The following PPARGC1A variants were observed in gnomAD, a reference collection of about 807,000 sequenced individuals.
PPARGC1A encodes the protein PPARG coactivator 1 alpha, also known as peroxisome proliferator-activated receptor gamma coactivator 1-alpha.
A neutral mutation model predicts 88.7 loss-of-function variants in PPARGC1A; 25 were observed. The observed-to-expected ratio is 0.28, with a 90% confidence interval of 0.21 to 0.39. The LOEUF (loss-of-function observed/expected upper bound fraction) is 0.39, where lower values mean the gene tolerates loss of function less well. Ranked by LOEUF, PPARGC1A falls within the 10% of genes least tolerant of loss-of-function variation. PPARGC1A has a pLI of 1.00. For missense variants in PPARGC1A, 880 were observed against 968.7 expected, an observed-to-expected ratio of 0.91 and a Z score of 1.22; for synonymous variants, 363 against 355.6, an observed-to-expected ratio of 1.02 and a Z score of -0.24.
At chr4:23,842,680 A>C (rs959444651) in intron 2 of PPARGC1A, among the ~76,000 whole-genome samples, 1 of 152,044 alleles carries the variant, frequency 6.6e-6, no homozygotes, top group Non-Finnish European at 1.5e-5. Flanking sequence ...TGACTACCAA[A>C]ATGTCTCCAG....
chr4:24,377,543 C>T, the PPARGC1A span, among the ~76,000 whole-genome samples: 1 of 152,018 alleles, frequency 6.6e-6, no homozygotes, highest in Non-Finnish European at 1.5e-5. Context: ...TTTTTAAATT[C>T]ACTATAATTG....
the PPARGC1A span, among the ~76,000 whole-genome samples, chr4:23,981,515 G>T: frequency 6.6e-6 from 1 of 152,040 alleles, no homozygotes; most frequent in Non-Finnish European, 1.5e-5. Context: ...TTAGGTGTGG[G>T]CTGGAAAAGG....
the PPARGC1A span, among the ~76,000 whole-genome samples, chr4:24,414,410 T>TA: frequency 6.6e-6 from 1 of 152,176 alleles, no homozygotes; most frequent in Non-Finnish European, 1.5e-5. Context: ...AGCCACCTGA[T>TA]AGATAGGGGC....
At chr4:24,168,787 C>T in the PPARGC1A span, among the ~76,000 whole-genome samples, 18 of 152,230 alleles carry the variant, frequency 1.2e-4, no homozygotes, top group Non-Finnish European at 2.2e-4. Context: ...AAATAAATAT[C>T]CATGAGTCCA....
At chr4:23,829,166 A>C (rs1349236600) in intron 4 of PPARGC1A, among the ~76,000 whole-genome samples, 1 of 152,218 alleles carries the variant, frequency 6.6e-6, no homozygotes. Context: ...AGATAATACC[A>C]GCTTATCAGC....
At chr4:23,831,084 T>C (rs183736276) in intron 3 of PPARGC1A, among the ~76,000 whole-genome samples, 6 of 152,284 alleles carry the variant, frequency 3.9e-5, no homozygotes, top group African/African-American at 1.2e-4. Flanking sequence ...CCATAAAAGA[T>C]TGCAAAATAA....
chr4:24,150,014 T>C, the PPARGC1A span, among the ~76,000 whole-genome samples: 7 of 152,184 alleles, frequency 4.6e-5, no homozygotes, highest in South Asian at 2.1e-4. Context: ...CAGATCATAG[T>C]AAATCAATAA....
Position 23,876,638 on chromosome 4 carries a change from C to T in PPARGC1A, c.234+8114G>A, listed in dbSNP as rs1714743372. 2.6e-5 allele frequency among the ~76,000 whole-genome samples: 4 copies of T among 152,170 alleles called. No homozygotes were observed. The South Asian group carries it at 8.3e-4, about 32-fold the overall frequency. On this transcript the variant is annotated intron_variant, in intron 2 of 12. Transcript: ENST00000264867. ...GTCTCCTTCCTCCTCTCTGCCCTAC[C>T]AGCCTGATTGCTCCTCCTTGAACTG...
the PPARGC1A span, among the ~76,000 whole-genome samples, chr4:24,330,668 A>T: frequency 2.0e-5 from 3 of 152,204 alleles, no homozygotes; most frequent in Admixed American, 6.5e-5. Flanking sequence ...ATTAGGCAGC[A>T]ATAAATAGCC....
chr4:24,150,011 T>C, the PPARGC1A span, among the ~76,000 whole-genome samples: 1 of 152,168 alleles, frequency 6.6e-6, no homozygotes, highest in African/African-American at 2.4e-5. Flanking sequence ...TTACAGATCA[T>C]AGTAAATCAA....
At chr4:24,323,138 C>T in the PPARGC1A span, among the ~76,000 whole-genome samples, 6 of 152,150 alleles carry the variant, frequency 3.9e-5, no homozygotes, top group Non-Finnish European at 8.8e-5. Flanking sequence ...TAGAGAAAAA[C>T]AAAATGAGTC....
the PPARGC1A span, among the ~76,000 whole-genome samples, chr4:24,337,849 C>T: frequency 1.3e-5 from 2 of 152,266 alleles, no homozygotes; most frequent in South Asian, 2.1e-4. Context: ...AAATAAGGTT[C>T]CCCCAAGACT....
the PPARGC1A span, among the ~76,000 whole-genome samples, chr4:24,442,197 C>CTAAA: frequency 3.5e-4 from 54 of 152,118 alleles, no homozygotes; most frequent in African/African-American, 1.3e-3. Flanking sequence ...GATGAGTAAA[C>CTAAA]TAAATATTCT....
At chr4:23,875,896 C>T (rs1442608383) in intron 2 of PPARGC1A, 1 of 152,198 alleles carries the variant, frequency 6.6e-6, no homozygotes, top group Non-Finnish European at 1.5e-5. Context: ...TCACGTTCAT[C>T]AGCCTCTCAG....
At chr4:24,466,583 T>C in the PPARGC1A span, among the ~76,000 whole-genome samples, 8 of 152,200 alleles carry the variant, frequency 5.3e-5, no homozygotes, top group Admixed American at 1.3e-4. Flanking sequence ...CAAATATTTA[T>C]AAAGTATATG....
intron 2 of PPARGC1A, among the ~76,000 whole-genome samples, chr4:23,860,291 C>T (rs868275435): frequency 1.7e-4 from 20 of 120,962 alleles, no homozygotes; most frequent in Admixed American, 2.5e-4. Context: ...AAAAAATAAA[C>T]GAGTAGAATG....
chr4:24,382,182 C>T, the PPARGC1A span, among the ~76,000 whole-genome samples: 1 of 151,878 alleles, frequency 6.6e-6, no homozygotes, highest in Non-Finnish European at 1.5e-5. Context: ...AAAAAAACTA[C>T]ATGAATTGTA....
the PPARGC1A span, among the ~76,000 whole-genome samples, chr4:24,190,132 T>C: frequency 6.6e-6 from 1 of 152,174 alleles, no homozygotes; most frequent in Non-Finnish European, 1.5e-5. Context: ...GCTTCTTTGC[T>C]GCAATCCAGG....
the PPARGC1A span, among the ~76,000 whole-genome samples, chr4:24,055,784 T>C: frequency 6.6e-6 from 1 of 152,186 alleles, no homozygotes; most frequent in African/African-American, 2.4e-5. Context: ...ATTTGTATCC[T>C]CCTCCAGGTA....
Sources: allele counts gnomAD v4.1 joint callset (sites outside exome capture counted in the v4.1 genomes callset), GRCh38; gene constraint gnomAD v4.1.1; transcripts MANE v1.5; gene names NCBI Gene and HGNC (gene_info 2026-07-23, HGNC 2026-07-21).